BAZ2B: variants seen among roughly 807,000 people sequenced by gnomAD.
BAZ2B encodes the protein bromodomain adjacent to zinc finger domain protein 2B.
Under a neutral mutation model 246.0 loss-of-function variants are expected in BAZ2B, and 91 were observed. That is an observed-to-expected ratio of 0.37 (90% CI 0.31 to 0.44). The LOEUF is 0.44. BAZ2B is among the 20% of genes least tolerant of loss of function. The pLI, the probability that BAZ2B is intolerant of heterozygous loss-of-function variation, is 1.00. For missense variants in BAZ2B, 2,332 were observed against 2,533.7 expected (o/e 0.92, Z 1.71); for synonymous variants, 855 against 860.0 (o/e 0.99, Z 0.10).
chr2:159,544,954 A>T (rs1465430402), intron 2 of BAZ2B, among the ~76,000 whole-genome samples: 4 of 152,230 alleles, frequency 2.6e-5, no homozygotes. Context: ...GTAGGAAATA[A>T]GACACTGAAA....
At chr2:159,407,092 A>G (rs2066063638) in intron 14 of BAZ2B, among the ~76,000 whole-genome samples, 1 of 151,952 alleles carries the variant, frequency 6.6e-6, no homozygotes. Flanking sequence ...TAATGTTCAC[A>G]GCTACTTAAT....
chr2:159,617,435 T>C (rs1166467380), upstream of BAZ2B, among the ~76,000 whole-genome samples: 1 of 152,030 alleles, frequency 6.6e-6, no homozygotes, highest in Non-Finnish European at 1.5e-5. Context: ...TTAAAAGCCT[T>C]AATCTTGATA....
At chr2:159,644,611 G>A in the BAZ2B span, among the ~76,000 whole-genome samples, 10 of 152,146 alleles carry the variant, frequency 6.6e-5, no homozygotes, top group Admixed American at 6.6e-4. Context: ...ACAGCTCTAC[G>A]TTCCTGCCCA....
intron 34 of BAZ2B, among the ~76,000 whole-genome samples, chr2:159,327,454 C>T (rs1397889534): frequency 1.3e-5 from 2 of 152,168 alleles, no homozygotes; most frequent in African/African-American, 2.4e-5. Context: ...CAAAGAATCA[C>T]AACCCCTGTC....
chr2:159,511,053 T>C lies in BAZ2B; in HGVS notation c.-2-32332A>G, dbSNP rs138145534. Among the ~76,000 whole-genome samples the C allele has an allele frequency of 4.1e-3, 626 of 152,326 alleles. 5 individuals are homozygous for C. The highest frequency in any genetic ancestry group is 0.014 in the African/African-American group (596 of 41,570). ...CAAACTAGATTAGTAATAGCGCAGA[T>C]TGTCAAATCAGGACCCAGTAGCCCT... On this transcript the variant is annotated intron_variant, in intron 2 of 36. Coordinates refer to ENST00000392783, the MANE Select transcript of BAZ2B (RefSeq NM_013450.4).
At chr2:159,557,209 C>T (rs1371506576) in intron 1 of BAZ2B, among the ~76,000 whole-genome samples, 1 of 145,914 alleles carries the variant, frequency 6.9e-6, no homozygotes, top group Non-Finnish European at 1.5e-5. Flanking sequence ...GTCACTACAC[C>T]TGGCTAATTA....
At chr2:159,708,170 T>C in the BAZ2B span, among the ~76,000 whole-genome samples, 1 of 151,956 alleles carries the variant, frequency 6.6e-6, no homozygotes, top group Non-Finnish European at 1.5e-5. Flanking sequence ...GTGGCACACC[T>C]GTAGTCACAG....
At chr2:159,424,005 CA>C (rs2069289823) in intron 13 of BAZ2B, among the ~76,000 whole-genome samples, 1 of 151,960 alleles carries the variant, frequency 6.6e-6, no homozygotes, top group African/African-American at 2.4e-5. Context: ...CCTGAGCCTA[CA>C]ATAAAAGTTG....
the BAZ2B span, among the ~76,000 whole-genome samples, chr2:159,659,048 G>A: frequency 1.3e-5 from 2 of 152,166 alleles, no homozygotes; most frequent in African/African-American, 4.8e-5. Flanking sequence ...TTGGGTACTA[G>A]AATAATTCCA....
chr2:159,509,049 C>G (rs754492806), intron 2 of BAZ2B, among the ~76,000 whole-genome samples: 1 of 152,132 alleles, frequency 6.6e-6, no homozygotes, highest in Non-Finnish European at 1.5e-5. Flanking sequence ...CATTGTTCTC[C>G]TAATCCATAT....
At chr2:159,423,914 G>T (rs562196042) in intron 13 of BAZ2B, among the ~76,000 whole-genome samples, 42 of 152,180 alleles carry the variant, frequency 2.8e-4, no homozygotes, top group African/African-American at 9.6e-4. Context: ...ACTACCAATC[G>T]GGTACTGTGC....
intron 1 of BAZ2B, among the ~76,000 whole-genome samples, chr2:159,569,794 C>A (rs970056718): frequency 3.3e-5 from 5 of 151,862 alleles, no homozygotes; most frequent in African/African-American, 1.2e-4. Flanking sequence ...CAGTGCACTC[C>A]AGCCTGGGTG....
intron 1 of BAZ2B, among the ~76,000 whole-genome samples, chr2:159,567,495 ATG>A (rs1328871944): frequency 1.3e-5 from 2 of 152,214 alleles, no homozygotes; most frequent in African/African-American, 4.8e-5. Flanking sequence ...AATAAATTCA[ATG>A]TGTTTTGTAG....
At chr2:159,398,055 T>A (rs1037432369) in intron 18 of BAZ2B, 3 of 152,058 alleles carry the variant, frequency 2.0e-5, no homozygotes, top group Admixed American at 6.6e-5. Context: ...ACGGCAGACA[T>A]GAAAAGGTAG....
intron 21 of BAZ2B, among the ~76,000 whole-genome samples, chr2:159,388,684 CATGTAGTAAACATGTTCA>C (rs80138164): frequency 0.062 from 9,387 of 152,146 alleles, 416 homozygotes; most frequent in Middle Eastern, 0.15. Flanking sequence ...ACAGTCCTAG[CATGTAGTAAACATGTTCA>C]ATAAAGGTTT....
chr2:159,704,413 T>C, the BAZ2B span, among the ~76,000 whole-genome samples: 12 of 152,076 alleles, frequency 7.9e-5, no homozygotes, highest in East Asian at 1.3e-3. Flanking sequence ...TATTGGGTGA[T>C]TCTGGAGGAC....
At chr2:159,324,683 C>T in intron 36 of BAZ2B, 128 bp downstream of exon 36, 1 of 283,956 alleles carries the variant, frequency 3.5e-6, no homozygotes, top group Non-Finnish European at 6.4e-6. Context: ...CACACACACA[C>T]ACACACCTGC....
chr2:159,402,036 C>T (rs2065154671), intron 16 of BAZ2B, among the ~76,000 whole-genome samples: 1 of 152,108 alleles, frequency 6.6e-6, no homozygotes, highest in Non-Finnish European at 1.5e-5. Context: ...CAGGATTCTA[C>T]TGCAGGATGA....
chr2:159,405,374 G>C (rs2065764426), intron 14 of BAZ2B, among the ~76,000 whole-genome samples: 1 of 152,066 alleles, frequency 6.6e-6, no homozygotes, highest in South Asian at 2.1e-4. Context: ...ACCACACCCA[G>C]CTAATTTTTG....
Sources: gnomAD v4.1 joint callset for allele counts (sites outside exome capture counted in the v4.1 genomes callset) on GRCh38, gnomAD v4.1.1 for gene constraint, MANE v1.5 for transcripts, NCBI Gene and HGNC (gene_info 2026-07-23, HGNC 2026-07-21) for gene names.